Variants in SNRNP40 observed in about 807,000 individuals in gnomAD.
SNRNP40 encodes the protein small nuclear ribonucleoprotein U5 subunit 40.
A neutral mutation model predicts 45.8 loss-of-function variants in SNRNP40; 21 were observed. The observed-to-expected ratio is 0.46, with a 90% CI of 0.32 to 0.66. The LOEUF is 0.66. Among genes scored for constraint, SNRNP40 ranks in the 30% least tolerant of loss-of-function variants. SNRNP40 has a pLI of 0.03. For synonymous variants in SNRNP40, 142 were observed against 163.8 expected, an observed-to-expected ratio of 0.87 and a Z score of 1.01; for missense variants, 344 against 439.1, an observed-to-expected ratio of 0.78 and a Z score of 1.94.
At chr1:31,283,429 C>T (rs1002321347) in intron 4 of SNRNP40, among the ~76,000 whole-genome samples, 1 of 152,100 alleles carries the variant, frequency 6.6e-6, no homozygotes, top group African/African-American at 2.4e-5. Flanking sequence ...ATGGTAAAAC[C>T]TTGTTTCTAC....
At chr1:31,293,382 A>G in intron 1 of SNRNP40, 34 bp from the exon 2 acceptor site, 1 of 1,568,306 alleles carries the variant, frequency 6.4e-7, no homozygotes, top group Non-Finnish European at 8.6e-7. Flanking sequence ...TAACTACTGC[A>G]TACAGACAAA....
chr1:31,261,994 C>T (rs2271074), intron 8 of SNRNP40, among the ~76,000 whole-genome samples: 83,216 of 151,962 alleles, frequency 0.55, 23,746 homozygotes, highest in Non-Finnish European at 0.63. Context: ...CATACTCATC[C>T]AGGAAATCTA....
At chr1:31,268,350 A>G (rs1023854614) in intron 7 of SNRNP40, among the ~76,000 whole-genome samples, 5 of 150,328 alleles carry the variant, frequency 3.3e-5, no homozygotes, top group African/African-American at 7.4e-5. Flanking sequence ...TGGCACAATC[A>G]TAGCTCACTG....
At chr1:31,274,979 T>A (rs1183717482) in intron 5 of SNRNP40, among the ~76,000 whole-genome samples, 1 of 152,196 alleles carries the variant, frequency 6.6e-6, no homozygotes, top group African/African-American at 2.4e-5. Flanking sequence ...CTGAGGAGCA[T>A]CTCCTAATAT....
chr1:31,278,249 AG>A (rs1416799044), intron 5 of SNRNP40, among the ~76,000 whole-genome samples: 2 of 152,178 alleles, frequency 1.3e-5, no homozygotes, highest in Non-Finnish European at 2.9e-5. Flanking sequence ...TAGAAGGCCC[AG>A]GAACAGTCCA....
intron 5 of SNRNP40, among the ~76,000 whole-genome samples, chr1:31,274,645 TAA>T (rs368995037): frequency 4.8e-4 from 54 of 112,016 alleles, no homozygotes; most frequent in African/African-American, 1.5e-3. Flanking sequence ...ACCATTACAT[TAA>T]AAAAAAAAAA....
intron 4 of SNRNP40, among the ~76,000 whole-genome samples, chr1:31,283,620 C>T (rs1646035396): frequency 6.6e-6 from 1 of 152,160 alleles, no homozygotes; most frequent in Admixed American, 6.5e-5. Flanking sequence ...AACCAACCAA[C>T]CACTCTCACC....
At position 31,282,821 on chromosome 1, in the gene SNRNP40, G is replaced by A. The variant is rs538117573; in HGVS notation, c.532-1325C>T. Among the ~76,000 whole-genome samples, 17 of 152,184 alleles carry A rather than the reference G, an allele frequency of 1.1e-4. 1 individual carries two copies. The highest frequency in any genetic ancestry group is 4.1e-4 in the African/African-American group (17 of 41,526). Reference sequence around the variant, plus strand: ...CTCCCGAGTAGGTGGGATTACAGGCGTGTGCCACTATGCCCAGCTAATTTT... The same window carrying A: ...CTCCCGAGTAGGTGGGATTACAGGCATGTGCCACTATGCCCAGCTAATTTT... On this transcript the variant is annotated intron_variant, in intron 4 of 9. Coordinates refer to ENST00000263694, the MANE Select transcript of SNRNP40 (RefSeq NM_004814.3).
At chr1:31,291,018 G>A (rs1021743221) in intron 3 of SNRNP40, among the ~76,000 whole-genome samples, 2 of 152,190 alleles carry the variant, frequency 1.3e-5, no homozygotes, top group Non-Finnish European at 2.9e-5. Flanking sequence ...GCCAGGCACG[G>A]TGGCTCATGC....
intron 5 of SNRNP40, 89 bp downstream of exon 5, chr1:31,281,285 C>T (rs1401550479): frequency 6.1e-6 from 7 of 1,150,834 alleles, no homozygotes; most frequent in Non-Finnish European, 8.7e-6. Context: ...GTATTAAGTG[C>T]AAAGCTACCA....
chr1:31,263,336 AATT>A (rs1645873891), intron 8 of SNRNP40: 1 of 143,498 alleles, frequency 7.0e-6, no homozygotes, highest in African/African-American at 2.5e-5. Flanking sequence ...TGTTTTTCTC[AATT>A]AATTTTTTTT....
chr1:31,285,588 C>T (rs1646052063), intron 4 of SNRNP40, among the ~76,000 whole-genome samples: 1 of 152,162 alleles, frequency 6.6e-6, no homozygotes, highest in Admixed American at 6.6e-5. Context: ...TCTCCTACAT[C>T]ATCTCAACAT....
Position 31,296,695 on chromosome 1 carries a change from C to A in SNRNP40, c.57G>T (p.Arg19=), listed in dbSNP as rs1646164712. 1 of 1,613,788 alleles carries A rather than the reference C, an allele frequency of 6.2e-7. No individual in the cohort carries two copies. The highest frequency in any genetic ancestry group is 8.5e-7 in the Non-Finnish European group (1 of 1,179,898). Residue 19 remains arginine, a synonymous_variant, in exon 1 of 10, where the codon CGG becomes CGT. Coordinates refer to ENST00000263694, the MANE Select transcript of SNRNP40 (RefSeq NM_004814.3). The part of the protein sequence containing the change: ...GPELPLVPVK[R]QRHELLLGAG... Reference sequence around the variant, plus strand: ...CTCCCAACAGCAACTCATGCCGCTGCCGCTTGACTGGAACCAGCGGCAACT... The same window carrying A: ...CTCCCAACAGCAACTCATGCCGCTGACGCTTGACTGGAACCAGCGGCAACT...
At chr1:31,260,946 T>TA in intron 9 of SNRNP40, 1 of 1,081,490 alleles carries the variant, frequency 9.2e-7, no homozygotes, top group Middle Eastern at 2.5e-4. Context: ...AAAAAAAAAT[T>TA]AGACTTACCA....
At chr1:31,272,689 A>G (rs1219852652) in intron 5 of SNRNP40, among the ~76,000 whole-genome samples, 4 of 152,228 alleles carry the variant, frequency 2.6e-5, no homozygotes, top group Non-Finnish European at 4.4e-5. Flanking sequence ...AGCTATTGTT[A>G]AGCAGTTCCT....
intron 8 of SNRNP40, among the ~76,000 whole-genome samples, chr1:31,266,853 A>C (rs1645900998): frequency 6.6e-6 from 1 of 152,252 alleles, no homozygotes; most frequent in Non-Finnish European, 1.5e-5. Flanking sequence ...GAAAAGCTCA[A>C]GCACTGACAA....
At chr1:31,269,005 C>T (rs527862531) in intron 7 of SNRNP40, among the ~76,000 whole-genome samples, 153 bp downstream of exon 7, 2 of 152,268 alleles carry the variant, frequency 1.3e-5, no homozygotes, top group African/African-American at 4.8e-5. Flanking sequence ...TATTTCTATC[C>T]GTTTTATTTT....
At chr1:31,267,697 G>A (rs1288040886) in intron 8 of SNRNP40, among the ~76,000 whole-genome samples, 174 bp downstream of exon 8, 2 of 152,128 alleles carry the variant, frequency 1.3e-5, no homozygotes, top group African/African-American at 2.4e-5. Flanking sequence ...CGCCACGCCC[G>A]GCTAATTTTG....
In SNRNP40 at chr1:31,296,567, G is replaced by A. The variant is rs3737753; in HGVS notation, c.141+44C>T. On this transcript the variant is annotated intron_variant, in intron 1 of 9. Coordinates refer to ENST00000263694, the MANE Select transcript of SNRNP40 (RefSeq NM_004814.3). Reference sequence around the variant, plus strand: ...CACCAGATACAGCGCTCTGAGGGGAGGAAGATGAGCTGAGGGCCAAAGGCC... The same window carrying A: ...CACCAGATACAGCGCTCTGAGGGGAAGAAGATGAGCTGAGGGCCAAAGGCC... 4.9e-3 allele frequency: 7,637 copies of A among 1,572,424 alleles called. 490 individuals carry two copies. In the East Asian group the frequency reaches 0.14, roughly 29 times the overall value.
Sources: gnomAD v4.1 joint callset for allele counts (sites outside exome capture counted in the v4.1 genomes callset) on GRCh38, gnomAD v4.1.1 for gene constraint, MANE v1.5 for transcripts, NCBI Gene and HGNC (gene_info 2026-07-23, HGNC 2026-07-21) for gene names.